Variants in L3MBTL4 observed in about 807,000 individuals in gnomAD.
L3MBTL4 encodes lethal(3)malignant brain tumor-like protein 4.
In L3MBTL4, 70 loss-of-function variants were observed where a neutral mutation model predicts 84.5. The observed-to-expected ratio is 0.83, with a 90% CI of 0.68 to 1.01. The LOEUF is 1.01. Among genes scored for constraint, L3MBTL4 ranks in the 50% least tolerant of loss-of-function variants. L3MBTL4 has a pLI of 0.00. For missense variants in L3MBTL4, 715 were observed against 754.8 expected, an observed-to-expected ratio of 0.95 and a Z score of 0.62; for synonymous variants, 274 against 259.8, an observed-to-expected ratio of 1.05 and a Z score of -0.52.
intron 16 of L3MBTL4, among the ~76,000 whole-genome samples, chr18:6,034,303 C>G (rs562723019): frequency 3.6e-4 from 55 of 152,202 alleles, no homozygotes; most frequent in South Asian, 1.7e-3. Context: ...CCCGCTCCCC[C>G]CACCCCACAA....
intron 5 of L3MBTL4, among the ~76,000 whole-genome samples, chr18:6,248,772 C>G (rs561135967): frequency 6.6e-6 from 1 of 152,202 alleles, no homozygotes; most frequent in African/African-American, 2.4e-5. Flanking sequence ...AACTATTACA[C>G]GTACTCTTTT....
At chr18:6,346,765 T>G (rs867987061) in intron 1 of L3MBTL4, among the ~76,000 whole-genome samples, 2 of 152,088 alleles carry the variant, frequency 1.3e-5, no homozygotes, top group Non-Finnish European at 2.9e-5. Context: ...AAAAGCAGCA[T>G]GGCTACTCCT....
intron 15 of L3MBTL4, among the ~76,000 whole-genome samples, chr18:6,089,928 C>T (rs2058385612): frequency 6.6e-6 from 1 of 152,122 alleles, no homozygotes; most frequent in South Asian, 2.1e-4. Context: ...CTATAAATGG[C>T]AATATTATGA....
At chr18:6,077,122 G>T (rs1457833104) in intron 16 of L3MBTL4, among the ~76,000 whole-genome samples, 1 of 152,148 alleles carries the variant, frequency 6.6e-6, no homozygotes, top group Non-Finnish European at 1.5e-5. Context: ...CTGGAGAAGG[G>T]GCTCGCGGTG....
chr18:6,056,086 G>T (rs985310715), intron 16 of L3MBTL4, among the ~76,000 whole-genome samples: 2 of 151,978 alleles, frequency 1.3e-5, no homozygotes, highest in Non-Finnish European at 2.9e-5. Context: ...GGGTTGATAT[G>T]TCCATATTTC....
At chr18:6,251,759 C>G (rs1234228053) in intron 5 of L3MBTL4, among the ~76,000 whole-genome samples, 1 of 152,054 alleles carries the variant, frequency 6.6e-6, no homozygotes, top group Non-Finnish European at 1.5e-5. Flanking sequence ...CCACCTATGG[C>G]CATTAAGTAA....
intron 15 of L3MBTL4, among the ~76,000 whole-genome samples, chr18:6,088,505 A>T (rs1468682694): frequency 6.6e-6 from 1 of 152,186 alleles, no homozygotes; most frequent in African/African-American, 2.4e-5. Context: ...GGTACCAAGA[A>T]AGGAAACAAA....
intron 14 of L3MBTL4, among the ~76,000 whole-genome samples, chr18:6,104,304 G>C (rs1414629232): frequency 1.3e-5 from 2 of 152,080 alleles, no homozygotes; most frequent in Non-Finnish European, 2.9e-5. Context: ...ATTCATAATA[G>C]ACAAGAGGTG....
chr18:6,237,257 T>A, intron 10 of L3MBTL4, among the ~76,000 whole-genome samples: 1 of 152,088 alleles, frequency 6.6e-6, no homozygotes, highest in East Asian at 1.9e-4. Context: ...TGCTTTAGAT[T>A]TCTGTACTTC....
At chr18:6,260,601 T>C (rs778113868) in intron 5 of L3MBTL4, 2 of 152,212 alleles carry the variant, frequency 1.3e-5, no homozygotes, top group African/African-American at 4.8e-5. Flanking sequence ...TATTGGTGTA[T>C]AGAAATGCTA....
chr18:6,200,540 C>A (rs1034405156), intron 12 of L3MBTL4, among the ~76,000 whole-genome samples: 2 of 152,130 alleles, frequency 1.3e-5, no homozygotes, highest in Non-Finnish European at 2.9e-5. Flanking sequence ...GAATTCCAGC[C>A]ATTTATTATC....
At chr18:6,313,144 TC>T (rs1336787557) in intron 1 of L3MBTL4, among the ~76,000 whole-genome samples, 2 of 152,206 alleles carry the variant, frequency 1.3e-5, no homozygotes, top group East Asian at 1.9e-4. Flanking sequence ...GCTGTAACCA[TC>T]CCGATGACAA....
At chr18:5,958,480 A>G (rs2144624577) in intron 18 of L3MBTL4, among the ~76,000 whole-genome samples, 2 of 152,282 alleles carry the variant, frequency 1.3e-5, no homozygotes, top group Middle Eastern at 6.8e-3. Flanking sequence ...TGTCCTAAGA[A>G]TAAGGTCGTG....
chr18:6,253,876 G>A (rs2048028322), intron 5 of L3MBTL4, among the ~76,000 whole-genome samples: 1 of 152,180 alleles, frequency 6.6e-6, no homozygotes, highest in Non-Finnish European at 1.5e-5. Flanking sequence ...CACTTAGCAG[G>A]AATGTTAGAT....
At chr18:6,263,029 C>G (rs774621069) in intron 5 of L3MBTL4, among the ~76,000 whole-genome samples, 2 of 152,166 alleles carry the variant, frequency 1.3e-5, no homozygotes, top group Non-Finnish European at 2.9e-5. Context: ...ATCCCCGGCA[C>G]TTTGGGAGGC....
At chr18:5,996,983 T>C (rs984122462) in intron 16 of L3MBTL4, among the ~76,000 whole-genome samples, 1 of 151,248 alleles carries the variant, frequency 6.6e-6, no homozygotes, top group East Asian at 1.9e-4. Context: ...GAGGGGTGCA[T>C]TTTAGAAGCA....
At chr18:6,239,964 G>A in intron 8 of L3MBTL4, 92 bp from the exon 9 acceptor site, 2 of 1,365,668 alleles carry the variant, frequency 1.5e-6, no homozygotes, top group Non-Finnish European at 2.0e-6. Context: ...TTTAGCAACA[G>A]CAAAGTCTAC....
intron 1 of L3MBTL4, among the ~76,000 whole-genome samples, chr18:6,349,486 C>T (rs371720914): frequency 4.6e-5 from 7 of 152,224 alleles, no homozygotes; most frequent in South Asian, 2.1e-4. Flanking sequence ...CAAAGCACTT[C>T]GGGAGGCCGA....
chr18:6,038,131 T>C (rs920733549), intron 16 of L3MBTL4, among the ~76,000 whole-genome samples: 3 of 152,094 alleles, frequency 2.0e-5, no homozygotes. Context: ...ACTGATTGAA[T>C]ATTTATGTCA....
Sources: gnomAD v4.1 joint callset for allele counts (sites outside exome capture counted in the v4.1 genomes callset) on GRCh38, gnomAD v4.1.1 for gene constraint, MANE v1.5 for transcripts, NCBI Gene and HGNC (gene_info 2026-07-23, HGNC 2026-07-21) for gene names.